Variants in PCBP3 observed in about 807,000 individuals in gnomAD.
PCBP3 encodes the protein poly(rC)-binding protein 3.
A neutral mutation model predicts 52.7 loss-of-function variants in PCBP3; 25 were observed. That is an observed-to-expected ratio of 0.47 (90% CI 0.35 to 0.66). PCBP3 has a LOEUF of 0.66. PCBP3 is among the 30% of genes least tolerant of loss of function. PCBP3 has a pLI of 0.01. For missense variants in PCBP3, 391 were observed against 490.3 expected (o/e 0.80, Z 1.91); for synonymous variants, 162 against 183.0 (o/e 0.89, Z 0.93).
At chr21:45,921,318 A>G (rs1047409083) in intron 13 of PCBP3, among the ~76,000 whole-genome samples, 1 of 152,230 alleles carries the variant, frequency 6.6e-6, no homozygotes, top group Non-Finnish European at 1.5e-5. Flanking sequence ...GCCGGCTTAT[A>G]TACAGATACT....
intron 5 of PCBP3, among the ~76,000 whole-genome samples, chr21:45,889,934 G>A (rs4818806): frequency 0.2 from 30,065 of 152,234 alleles, 3,833 homozygotes; most frequent in African/African-American, 0.37. Context: ...CGAGACGGAG[G>A]CCTGTTTCTG....
intron 2 of PCBP3, among the ~76,000 whole-genome samples, chr21:45,706,753 G>A (rs1156586113): frequency 6.6e-6 from 1 of 152,202 alleles, no homozygotes; most frequent in Non-Finnish European, 1.5e-5. Flanking sequence ...TGCACTTAGG[G>A]TGAGCACGCT....
chr21:45,713,644 G>A (rs557285927), intron 2 of PCBP3, among the ~76,000 whole-genome samples: 4 of 152,294 alleles, frequency 2.6e-5, no homozygotes, highest in South Asian at 2.1e-4. Flanking sequence ...ACCTGCTGAC[G>A]CCATGCTCCG....
At chr21:45,889,213 G>A in intron 5 of PCBP3, among the ~76,000 whole-genome samples, 1 of 152,222 alleles carries the variant, frequency 6.6e-6, no homozygotes, top group Non-Finnish European at 1.5e-5. Context: ...TTCAGAGACG[G>A]TGGAGTGGAG....
intron 1 of PCBP3, among the ~76,000 whole-genome samples, chr21:45,664,390 A>C (rs897259194): frequency 6.7e-6 from 1 of 149,698 alleles, no homozygotes; most frequent in African/African-American, 2.4e-5. Context: ...AAATAAAGGC[A>C]TTTTCAGTTC....
At chr21:45,866,859 T>A (rs1390646680) in intron 5 of PCBP3, among the ~76,000 whole-genome samples, 1 of 148,842 alleles carries the variant, frequency 6.7e-6, no homozygotes, top group African/African-American at 2.4e-5. Context: ...CGGAGATGCG[T>A]GTACTAGGGC....
intron 1 of PCBP3, among the ~76,000 whole-genome samples, chr21:45,646,078 TC>T: frequency 5.3e-5 from 6 of 112,246 alleles, no homozygotes; most frequent in African/African-American, 1.4e-4. Context: ...TCTCTCTCTC[TC>T]TCTTTCTCTC....
chr21:45,824,580 C>T (rs747418825), intron 4 of PCBP3, among the ~76,000 whole-genome samples: 3 of 152,216 alleles, frequency 2.0e-5, no homozygotes, highest in African/African-American at 7.2e-5. Context: ...TCCGCAACAG[C>T]GGTGAGCTCT....
At position 45,643,927 on chromosome 21, in the gene PCBP3, C is replaced by G. The variant is rs2146608143; in HGVS notation, c.-279+59C>G. ...GGCGCCCTTGCGGGTTACGGGGACC[C>G]AGTCCCCGACGGAGGCCGAGTGACG... On this transcript the variant is annotated intron_variant, in intron 1 of 17. Coordinates refer to ENST00000681687, the MANE Select transcript of PCBP3 (RefSeq NM_001384156.1). The G allele has an allele frequency of 2.0e-5, 3 of 149,120 alleles. No homozygotes were observed. In the South Asian group the frequency reaches 6.2e-4, roughly 31 times the overall value. 9.2% of individuals were successfully genotyped at this position (149,120 alleles called of 1,614,324 possible).
At chr21:45,748,670 C>T (rs561660274) in intron 3 of PCBP3, among the ~76,000 whole-genome samples, 1 of 152,364 alleles carries the variant, frequency 6.6e-6, no homozygotes, top group African/African-American at 2.4e-5. Flanking sequence ...GTGCCTCTGG[C>T]CACATCCAGC....
intron 13 of PCBP3, 46 bp from the exon 14 acceptor site, chr21:45,929,871 C>T: frequency 1.4e-6 from 2 of 1,408,098 alleles, no homozygotes; most frequent in Non-Finnish European, 2.0e-6. Flanking sequence ...GTGACTTGTA[C>T]TCGATGACAA....
At chr21:45,849,865 T>C (rs1367439028) in intron 4 of PCBP3, 96 bp from the exon 5 acceptor site, 24 of 580,434 alleles carry the variant, frequency 4.1e-5, no homozygotes, top group Non-Finnish European at 7.5e-5. Flanking sequence ...TGTTGACTGC[T>C]GTGTTGAAGG....
At chr21:45,831,338 G>A (rs533237438) in intron 4 of PCBP3, 16 of 151,702 alleles carry the variant, frequency 1.1e-4, no homozygotes, top group African/African-American at 3.6e-4. Context: ...GAGCCCAGGA[G>A]GTGCAGGTTG....
chr21:45,655,632 T>C (rs1409917527), intron 1 of PCBP3, among the ~76,000 whole-genome samples: 1 of 152,094 alleles, frequency 6.6e-6, no homozygotes, highest in Non-Finnish European at 1.5e-5. Flanking sequence ...CCAAAAGCAA[T>C]GGCAACAGAA....
chr21:45,939,550 T>C (rs570062390), intron 16 of PCBP3, among the ~76,000 whole-genome samples: 1 of 152,360 alleles, frequency 6.6e-6, no homozygotes, highest in East Asian at 1.9e-4. Flanking sequence ...TGCTGTGGCT[T>C]CAAGCACACG....
intron 2 of PCBP3, among the ~76,000 whole-genome samples, chr21:45,696,475 G>A (rs939476796): frequency 6.6e-6 from 1 of 152,032 alleles, no homozygotes; most frequent in Non-Finnish European, 1.5e-5. Context: ...GTATGAAAAC[G>A]ACTGCAAGTT....
chr21:45,824,610 C>A (rs532622844), intron 4 of PCBP3, among the ~76,000 whole-genome samples: 120 of 152,306 alleles, frequency 7.9e-4, no homozygotes, highest in African/African-American at 2.8e-3. Context: ...CTGCCCTGGT[C>A]TTGTCTCTAG....
intron 2 of PCBP3, among the ~76,000 whole-genome samples, chr21:45,694,479 G>A (rs1225309534): frequency 6.6e-6 from 1 of 152,060 alleles, no homozygotes. Context: ...GAAAAAGAAG[G>A]TCATTGCATA....
At chr21:45,868,882 G>A (rs2094877324) in intron 5 of PCBP3, among the ~76,000 whole-genome samples, 1 of 152,216 alleles carries the variant, frequency 6.6e-6, no homozygotes, top group Non-Finnish European at 1.5e-5. Flanking sequence ...TTGGCTTTGG[G>A]CAGCTCGGTG....
Sources: allele counts gnomAD v4.1 joint callset (sites outside exome capture counted in the v4.1 genomes callset), GRCh38; gene constraint gnomAD v4.1.1; transcripts MANE v1.5; gene names NCBI Gene and HGNC (gene_info 2026-07-23, HGNC 2026-07-21).